Variants in TRIM40 observed in about 807,000 individuals in gnomAD.
TRIM40 encodes tripartite motif containing 40.
In TRIM40, 27 loss-of-function variants were observed where a neutral mutation model predicts 26.1. The ratio of observed to expected loss-of-function variants is 1.04; its 90% confidence interval spans 0.76 to 1.43. The LOEUF (loss-of-function observed/expected upper bound fraction) is 1.43, where lower values mean the gene tolerates loss of function less well. Among genes scored for constraint, TRIM40 ranks in the 40% most tolerant of loss-of-function variants. The pLI is 0.00. For synonymous variants in TRIM40, 114 were observed against 120.0 expected (o/e 0.95, Z 0.33); for missense variants, 289 against 307.9 (o/e 0.94, Z 0.46).
At chr6:30,145,577 C>T (rs1771595348) in intron 2 of TRIM40, among the ~76,000 whole-genome samples, 1 of 152,174 alleles carries the variant, frequency 6.6e-6, no homozygotes, top group Non-Finnish European at 1.5e-5. Context: ...CAGTGAGGAC[C>T]AGGCAGCAGA....
At chr6:30,141,285 T>C (rs552062157) in intron 2 of TRIM40, among the ~76,000 whole-genome samples, 4 of 152,300 alleles carry the variant, frequency 2.6e-5, no homozygotes, top group Admixed American at 2.6e-4. Context: ...GCTGTGATTG[T>C]GCCACTGCAC....
At chr6:30,139,783 C>A (rs1771239385) in intron 2 of TRIM40, among the ~76,000 whole-genome samples, 1 of 152,094 alleles carries the variant, frequency 6.6e-6, no homozygotes, top group African/African-American at 2.4e-5. Flanking sequence ...CATACAGATG[C>A]CCACACCTGA....
chr6:30,136,663 C>G, intron 1 of TRIM40, 70 bp from the exon 2 acceptor site: 1 of 251,868 alleles, frequency 4.0e-6, no homozygotes, highest in Non-Finnish European at 7.6e-6. Context: ...ATTTGGGGCC[C>G]GTGCAAATAT....
chr6:30,145,597 G>C (rs1771596237), intron 2 of TRIM40, among the ~76,000 whole-genome samples: 1 of 152,180 alleles, frequency 6.6e-6, no homozygotes, highest in South Asian at 2.1e-4. Context: ...AGGTAGCAGA[G>C]GGTTGCCATT....
intron 4 of TRIM40, 96 bp downstream of exon 4, chr6:30,147,305 C>A (rs1771730902): frequency 2.7e-6 from 4 of 1,467,920 alleles, no homozygotes; most frequent in East Asian, 2.3e-5. Context: ...GAGGGAGGGG[C>A]CTGTGTGATA....
chr6:30,147,624 CT>C, intron 5 of TRIM40, 82 bp downstream of exon 5: 2 of 1,611,640 alleles, frequency 1.2e-6, no homozygotes, highest in Non-Finnish European at 1.7e-6. Flanking sequence ...AGGAGACCCA[CT>C]GCTCCGTTAG....
intron 2 of TRIM40, among the ~76,000 whole-genome samples, chr6:30,139,970 A>T (rs1771250049): frequency 6.6e-6 from 1 of 152,252 alleles, no homozygotes; most frequent in African/African-American, 2.4e-5. Flanking sequence ...ATATGAAAAA[A>T]TGCTCATCAT....
intron 2 of TRIM40, among the ~76,000 whole-genome samples, chr6:30,139,346 T>TC (rs1771202077): frequency 2.0e-5 from 2 of 101,844 alleles, no homozygotes; most frequent in African/African-American, 6.4e-5. Context: ...TTTCTTTTTT[T>TC]TTTTTTTTTT....
intron 2 of TRIM40, among the ~76,000 whole-genome samples, chr6:30,143,333 A>AT (rs1442418872): frequency 6.7e-6 from 1 of 150,342 alleles, no homozygotes; most frequent in Non-Finnish European, 1.5e-5. Flanking sequence ...ATTTTCTGAC[A>AT]TTTTCTAGAT....
intron 2 of TRIM40, among the ~76,000 whole-genome samples, chr6:30,144,084 A>AAT (rs1771506329): frequency 6.7e-6 from 1 of 149,468 alleles, no homozygotes; most frequent in Non-Finnish European, 1.5e-5. Context: ...GCAGAGAGCA[A>AAT]TGTTGTGTGC....
chr6:30,143,580 T>A (rs1295387651), intron 2 of TRIM40, among the ~76,000 whole-genome samples: 1 of 152,128 alleles, frequency 6.6e-6, no homozygotes, highest in Non-Finnish European at 1.5e-5. Flanking sequence ...TTAACCTGAA[T>A]GACAGAATTT....
chr6:30,138,066 T>TAC (rs9278588), intron 2 of TRIM40, among the ~76,000 whole-genome samples: 17,410 of 112,406 alleles, frequency 0.15, 1,219 homozygotes, highest in Admixed American at 0.25. Context: ...AATGCACTCT[T>TAC]ACACACACAC....
At chr6:30,139,012 A>C (rs1771176877) in intron 2 of TRIM40, among the ~76,000 whole-genome samples, 1 of 152,266 alleles carries the variant, frequency 6.6e-6, no homozygotes, top group African/African-American at 2.4e-5. Flanking sequence ...ATGAAGCAGC[A>C]TAAGATGGAG....
chr6:30,146,786 A>G (rs1162534036), intron 3 of TRIM40, among the ~76,000 whole-genome samples, 199 bp from the exon 4 acceptor site: 1 of 152,160 alleles, frequency 6.6e-6, no homozygotes, highest in Non-Finnish European at 1.5e-5. Context: ...GTAGATATTC[A>G]GAGAGTGAGG....
intron 2 of TRIM40, among the ~76,000 whole-genome samples, chr6:30,142,869 T>C (rs1342801254): frequency 6.6e-6 from 1 of 152,100 alleles, no homozygotes; most frequent in Non-Finnish European, 1.5e-5. Flanking sequence ...TTTTTTTTAC[T>C]CTAGTCCATT....
intron 2 of TRIM40, among the ~76,000 whole-genome samples, chr6:30,139,799 C>G (rs1392471736): frequency 6.6e-6 from 1 of 152,068 alleles, no homozygotes; most frequent in Non-Finnish European, 1.5e-5. Flanking sequence ...CCTGAGAAGT[C>G]TTGTTATATT....
chr6:30,137,657 A>T (rs1771098802), intron 2 of TRIM40, among the ~76,000 whole-genome samples: 2 of 152,236 alleles, frequency 1.3e-5, no homozygotes, highest in African/African-American at 4.8e-5. Context: ...TAATTGGACT[A>T]ACTAATGCAA....
chr6:30,145,532 G>T lies in TRIM40; in HGVS notation c.346-462G>T, dbSNP rs113397759. 5.6e-3 allele frequency among the ~76,000 whole-genome samples: 852 copies of T among 152,312 alleles called. 8 individuals carry two copies. Among genetic ancestry groups the T allele is most frequent in the African/African-American group, 0.019 (782 of 41,562 alleles). ...CACTGCCTACCTGGGCTATGAGTTT[G>T]CACCTAGTAAAGGGCTCTATCTTGT... On this transcript the variant is annotated intron_variant, in intron 2 of 5. Transcript: ENST00000396581.
Position 30,137,184 on chromosome 6 carries a change from G to A in TRIM40, c.148G>A (p.Val50Ile). The A allele has an allele frequency of 4.3e-6, 7 of 1,613,058 alleles. No individual in the cohort carries two copies. The highest frequency in any genetic ancestry group is 5.9e-6 in the Non-Finnish European group (7 of 1,180,028). ...TGTGGAGAAGGCCTCAGCCTCTGGG[G>A]TCTTCTGCTGCCCCCTCTGCCGGAA... Reference protein sequence around the residue: ...QHVEKASASGVFCCPLCRKPC... With the variant: ...QHVEKASASGIFCCPLCRKPC... The change falls in exon 2 of 6, where the codon GTC (valine) becomes ATC (isoleucine). Residue 50 changes from valine to isoleucine, a missense_variant. Val to Ile is a conservative substitution (Grantham distance 29). Transcript: ENST00000396581.
Sources: gnomAD v4.1 joint callset for allele counts (sites outside exome capture counted in the v4.1 genomes callset) on GRCh38, gnomAD v4.1.1 for gene constraint, MANE v1.5 for transcripts, NCBI Gene and HGNC (gene_info 2026-07-23, HGNC 2026-07-21) for gene names.